PPM1L: variants seen among roughly 807,000 people sequenced by gnomAD.
PPM1L encodes the protein protein phosphatase 1L.
PPM1L carries 13 observed loss-of-function variants against 31.4 expected under a neutral mutation model. The observed-to-expected ratio is 0.41, with a 90% CI of 0.27 to 0.66. The LOEUF is 0.66. PPM1L is among the 30% of genes least tolerant of loss of function. The pLI is 0.29. For synonymous variants in PPM1L, 184 were observed against 175.4 expected (o/e 1.05, Z -0.39); for missense variants, 326 against 453.7 (o/e 0.72, Z 2.56).
At chr3:160,812,932 A>G (rs926847283) in intron 1 of PPM1L, among the ~76,000 whole-genome samples, 1 of 152,218 alleles carries the variant, frequency 6.6e-6, no homozygotes, top group African/African-American at 2.4e-5. Flanking sequence ...TATAATGTCT[A>G]TTATGTATAT....
intron 1 of PPM1L, among the ~76,000 whole-genome samples, chr3:160,809,420 ATTTGGAGCCAAGACAAT>A (rs966897848): frequency 3.9e-5 from 6 of 152,110 alleles, no homozygotes; most frequent in African/African-American, 1.4e-4. Context: ...TTTCAGGCCA[ATTTGGAGCCAAGACAAT>A]GTCTGGCTCC....
rs532171506 is a variant in PPM1L, at chr3:161,037,652, G to T, written c.575-27751G>T. Among the ~76,000 whole-genome samples, 3 of 135,212 alleles carry T rather than the reference G, an allele frequency of 2.2e-5. No individual in the cohort carries two copies. In the South Asian group the frequency reaches 7.3e-4, roughly 33 times the overall value. The allele number at this position is 135,212 out of a possible 152,430, so 88.7% of individuals were successfully genotyped here. A position where few individuals can be genotyped will look rare whatever the true frequency, so the allele number is the denominator to read the frequency against. On this transcript the variant is annotated intron_variant, in intron 2 of 3. Transcript: ENST00000498165. ...TCTCCATGTTGGTCAGGCTGGTCTT[G>T]AACTCCCGACCTCAGGTGATCTGCC...
intron 1 of PPM1L, among the ~76,000 whole-genome samples, chr3:160,764,816 A>C (rs111653994): frequency 0.011 from 1,632 of 152,250 alleles, 25 homozygotes; most frequent in Middle Eastern, 0.021. Flanking sequence ...TTAGTGATAG[A>C]GCAATATTTT....
chr3:160,756,390 C>T lies in PPM1L; in HGVS notation c.82C>T (p.Leu28=), dbSNP rs778656734. The change falls in exon 1 of 4, where the codon CTG becomes TTG. Residue 28 remains leucine, a synonymous_variant. Coordinates refer to ENST00000498165, the MANE Select transcript of PPM1L (RefSeq NM_139245.4). The surrounding 1 kb of genome is among the most constrained non-coding windows in gnomAD (Gnocchi z 6.2). ...CTTGCTGAGACCCGAGACGCTTTTC[C>T]TGCTGTGCATCAGCTTGGCTCTATG... is the stretch of plus-strand genomic sequence containing the variant. ...YFLLRPETLF[L]LCISLALWSY... is the part of the protein sequence containing the mutation. 1.2e-6 allele frequency: 2 copies of T among 1,614,238 alleles called. No individual in the cohort carries two copies. Among genetic ancestry groups the T allele is most frequent in the East Asian group, 2.2e-5 (1 of 44,878 alleles).
intron 1 of PPM1L, among the ~76,000 whole-genome samples, chr3:160,822,310 C>G (rs1713223990): frequency 6.6e-6 from 1 of 151,946 alleles, no homozygotes; most frequent in South Asian, 2.1e-4. Flanking sequence ...ATCCAGAACT[C>G]CATCATTTGA....
intron 2 of PPM1L, among the ~76,000 whole-genome samples, chr3:160,992,737 A>G (rs1033501206): frequency 3.9e-5 from 6 of 152,202 alleles, no homozygotes; most frequent in African/African-American, 1.4e-4. Flanking sequence ...CTTTCCTGGT[A>G]TCTGCTGGAC....
intron 2 of PPM1L, among the ~76,000 whole-genome samples, chr3:160,967,774 C>T (rs1202612160): frequency 6.6e-6 from 1 of 151,948 alleles, no homozygotes; most frequent in African/African-American, 2.4e-5. Flanking sequence ...CCAAAAGATC[C>T]AGATTCTATT....
At position 160,944,926 on chromosome 3, in the gene PPM1L, GAT is replaced by G. The variant is rs1315405845; in HGVS notation, c.400-16801_400-16800del. Reference sequence around the variant, plus strand: ...TGTTACATATATAATATATAGTGGAGATATATATATTATATATAACTATATAT... The same window carrying G: ...TGTTACATATATAATATATAGTGGAGATATATATTATATATAACTATATAT... On this transcript the variant is annotated intron_variant, in intron 1 of 3. Transcript: ENST00000498165. Among the ~76,000 whole-genome samples the G allele has an allele frequency of 7.3e-4, 40 of 54,552 alleles. 7 individuals are homozygous for G. Among genetic ancestry groups the G allele is most frequent in the African/African-American group, 2.4e-3 (35 of 14,588 alleles). 35.8% of individuals were successfully genotyped at this position (54,552 alleles called of 152,430 possible).
chr3:160,902,605 A>G (rs1215168823), intron 1 of PPM1L, among the ~76,000 whole-genome samples: 1 of 152,120 alleles, frequency 6.6e-6, no homozygotes, highest in Admixed American at 6.5e-5. Context: ...CACCTATTTT[A>G]CTTTTTCATT....
At chr3:160,939,747 C>T (rs1362837056) in intron 1 of PPM1L, 3 of 167,148 alleles carry the variant, frequency 1.8e-5, no homozygotes, top group Non-Finnish European at 2.5e-5. Flanking sequence ...TTTTTCTTCC[C>T]AGTCTCAGGT....
chr3:160,953,465 T>C (rs1428131346), intron 1 of PPM1L, among the ~76,000 whole-genome samples: 1 of 152,220 alleles, frequency 6.6e-6, no homozygotes, highest in Non-Finnish European at 1.5e-5. Context: ...CTGTTTTTAT[T>C]TTAAGTCCAC....
chr3:160,804,052 G>A (rs1712520940), intron 1 of PPM1L, among the ~76,000 whole-genome samples: 1 of 151,770 alleles, frequency 6.6e-6, no homozygotes, highest in South Asian at 2.1e-4. Context: ...TGAGTATCTG[G>A]GACTACAGGC....
chr3:160,920,864 C>T (rs1227649639), intron 1 of PPM1L, among the ~76,000 whole-genome samples: 1 of 152,102 alleles, frequency 6.6e-6, no homozygotes, highest in Non-Finnish European at 1.5e-5. Context: ...GTTCCCCTGG[C>T]AGCTAAGAAG....
At chr3:160,963,446 G>A (rs1716031367) in intron 2 of PPM1L, among the ~76,000 whole-genome samples, 1 of 151,998 alleles carries the variant, frequency 6.6e-6, no homozygotes, top group Admixed American at 6.6e-5. Context: ...AGTCTTGCTG[G>A]AGGACTAAAA....
Position 161,005,123 on chromosome 3 carries a change from G to C in PPM1L, c.574+43213G>C, listed in dbSNP as rs546126846. ...GTATGTTGTGTCTTTGTTCTCATTG[G>C]TTTCAAAGAACATCTTTATTTCTGC... On this transcript the variant is annotated intron_variant, in intron 2 of 3. Transcript: ENST00000498165. Among the ~76,000 whole-genome samples the C allele has an allele frequency of 3.1e-4, 47 of 151,852 alleles. No individual in the cohort carries two copies. The East Asian group carries it at 8.9e-3, about 29-fold the overall frequency.
chr3:160,875,088 A>G (rs985865203), intron 1 of PPM1L, among the ~76,000 whole-genome samples: 1 of 152,200 alleles, frequency 6.6e-6, no homozygotes, highest in African/African-American at 2.4e-5. Flanking sequence ...TTCATTTTGC[A>G]TATATTATAT....
chr3:160,776,253 A>T (rs1418475986), intron 1 of PPM1L, among the ~76,000 whole-genome samples: 3 of 152,196 alleles, frequency 2.0e-5, no homozygotes, highest in African/African-American at 4.8e-5. Context: ...TGAGTTCTTA[A>T]CAAGTAACAG....
intron 2 of PPM1L, among the ~76,000 whole-genome samples, chr3:160,981,247 A>C (rs1279510705): frequency 2.6e-5 from 4 of 152,206 alleles, no homozygotes; most frequent in Non-Finnish European, 5.9e-5. Context: ...ATTTCTGAGG[A>C]TCAGGAATCT....
rs1459025840 is a variant in PPM1L, at chr3:160,783,524, C to T, written c.399+26817C>T. On this transcript the variant is annotated intron_variant, in intron 1 of 3. Coordinates refer to ENST00000498165, the MANE Select transcript of PPM1L (RefSeq NM_139245.4). ...CTGAGGCAGGAGAATTGCTTGAACCCTGGAGATGGAGGTTGCAGTGAGCCG... is the reference window on the plus strand; with the variant it reads ...CTGAGGCAGGAGAATTGCTTGAACCTTGGAGATGGAGGTTGCAGTGAGCCG... Among the ~76,000 whole-genome samples, 6 of 149,440 alleles carry T rather than the reference C, an allele frequency of 4.0e-5. No homozygotes were observed. In the East Asian group the frequency reaches 1.2e-3, roughly 30 times the overall value.
Sources: gnomAD v4.1 joint callset for allele counts (sites outside exome capture counted in the v4.1 genomes callset) on GRCh38, gnomAD v4.1.1 for gene constraint, Gnocchi (gnomAD v3.1) non-coding constraint, MANE v1.5 for transcripts, NCBI Gene and HGNC (gene_info 2026-07-23, HGNC 2026-07-21) for gene names.